The following PRKAR2B variants were observed in gnomAD, a reference collection of about 807,000 sequenced individuals.
PRKAR2B encodes protein kinase cAMP-dependent type II regulatory subunit beta.
A neutral mutation model predicts 49.9 loss-of-function variants in PRKAR2B; 14 were observed. The observed-to-expected ratio is 0.28, with a 90% CI of 0.19 to 0.44. The LOEUF (loss-of-function observed/expected upper bound fraction) is 0.44. PRKAR2B is among the 20% of genes least tolerant of loss of function. The pLI, the probability that PRKAR2B is intolerant of heterozygous loss-of-function variation, is 1.00. For synonymous variants in PRKAR2B, 196 were observed against 197.7 expected, an observed-to-expected ratio of 0.99 and a Z score of 0.07; for missense variants, 393 against 537.9, an observed-to-expected ratio of 0.73 and a Z score of 2.67.
intron 10 of PRKAR2B, among the ~76,000 whole-genome samples, chr7:107,157,648 G>T (rs1796118584): frequency 3.3e-5 from 5 of 152,206 alleles, no homozygotes; most frequent in Admixed American, 3.3e-4. Context: ...CAAAAGAGAA[G>T]GCTAAAGTAC....
chr7:107,046,984 A>G (rs1303148151), intron 1 of PRKAR2B, among the ~76,000 whole-genome samples: 2 of 152,198 alleles, frequency 1.3e-5, no homozygotes, highest in African/African-American at 4.8e-5. Flanking sequence ...TTCATTTTGT[A>G]GTGAAGAAAT....
rs28470356 is a variant in PRKAR2B, at chr7:107,064,645, T to C, written c.308-5636T>C. The stretch of plus-strand genomic sequence containing the variant: ...CTTGGAGGGTACCCGCCAACTATTA[T>C]TCTGTCCTTGTACCTTTGAGCCCCT... On this transcript the variant is annotated intron_variant, in intron 1 of 10. Coordinates refer to ENST00000265717, the MANE Select transcript of PRKAR2B (RefSeq NM_002736.3). Among the ~76,000 whole-genome samples the C allele has an allele frequency of 3.7e-3, 559 of 152,328 alleles. 3 individuals carry two copies. Among genetic ancestry groups the C allele is most frequent in the African/African-American group, 0.013 (527 of 41,560 alleles).
chr7:107,053,642 A>C (rs921871217), intron 1 of PRKAR2B, among the ~76,000 whole-genome samples: 1 of 151,940 alleles, frequency 6.6e-6, no homozygotes, highest in Admixed American at 6.6e-5. Context: ...GGAAAATTCT[A>C]TCTTATAAAA....
intron 4 of PRKAR2B, among the ~76,000 whole-genome samples, chr7:107,130,302 A>G (rs1795581147): frequency 6.6e-6 from 1 of 152,044 alleles, no homozygotes; most frequent in Non-Finnish European, 1.5e-5. Flanking sequence ...GATCGAGCCC[A>G]TCCTGGCTAA....
intron 2 of PRKAR2B, among the ~76,000 whole-genome samples, chr7:107,098,671 A>C (rs1344036081): frequency 1.3e-5 from 2 of 152,108 alleles, no homozygotes; most frequent in Non-Finnish European, 1.5e-5. Context: ...GTCTTTGATG[A>C]TGGTGACGTA....
chr7:107,057,601 G>A (rs1003856201), intron 1 of PRKAR2B, among the ~76,000 whole-genome samples: 1 of 152,130 alleles, frequency 6.6e-6, no homozygotes, highest in African/African-American at 2.4e-5. Context: ...GCCTGACTCT[G>A]CCATTTATAA....
At chr7:107,067,468 T>G (rs910319457) in intron 1 of PRKAR2B, 34 of 152,212 alleles carry the variant, frequency 2.2e-4, no homozygotes, top group African/African-American at 8.2e-4. Flanking sequence ...TATGCCCCAT[T>G]TACTGTCAGA....
At position 107,146,314 on chromosome 7, in the gene PRKAR2B, A is replaced by C. The variant is rs776592088; in HGVS notation, c.594A>C (p.Thr198=). 11 of 1,613,894 alleles carry C rather than the reference A, an allele frequency of 6.8e-6. No homozygotes were observed. The highest frequency in any genetic ancestry group is 9.3e-6 in the Non-Finnish European group (11 of 1,179,878). ...GDNFYVIDRG[T]FDIYVKCDGV... Reference sequence around the variant, plus strand: ...ATCTACATATGTCCAACAGAGGCACATTTGATATTTATGTGAAATGTGATG... The same window carrying C: ...ATCTACATATGTCCAACAGAGGCACCTTTGATATTTATGTGAAATGTGATG... Residue 198 remains threonine (T), a synonymous_variant, in exon 6 of 11, where the codon ACA becomes ACC. Transcript: ENST00000265717.
chr7:107,114,739 A>G (rs947836757), intron 2 of PRKAR2B, among the ~76,000 whole-genome samples: 1 of 151,976 alleles, frequency 6.6e-6, no homozygotes, highest in Non-Finnish European at 1.5e-5. Flanking sequence ...GAAGGTCTCA[A>G]TTGCTGCTTA....
intron 6 of PRKAR2B, among the ~76,000 whole-genome samples, chr7:107,149,781 A>G (rs1795950178): frequency 2.0e-5 from 3 of 152,222 alleles, no homozygotes; most frequent in Non-Finnish European, 4.4e-5. Context: ...GAAAGAATGA[A>G]TAAGACCTAG....
chr7:107,159,384 A>C (rs1458260845), intron 10 of PRKAR2B, 65 bp from the exon 11 acceptor site: 1 of 1,544,926 alleles, frequency 6.5e-7, no homozygotes, highest in Non-Finnish European at 8.9e-7. Flanking sequence ...GGTATTGTAA[A>C]TGACTTAGAA....
intron 2 of PRKAR2B, among the ~76,000 whole-genome samples, chr7:107,102,280 C>A (rs191395244): frequency 3.3e-5 from 5 of 152,332 alleles, no homozygotes; most frequent in African/African-American, 1.2e-4. Context: ...AGCACCAAGA[C>A]AGTTTACAAA....
At chr7:107,139,680 ACT>A (rs1400466369) in intron 4 of PRKAR2B, among the ~76,000 whole-genome samples, 1 of 151,336 alleles carries the variant, frequency 6.6e-6, no homozygotes, top group Non-Finnish European at 1.5e-5. Context: ...TCGCCCTGAA[ACT>A]CTCTCATCCA....
At chr7:107,066,298 T>TGGGGGG (rs199947326) in intron 1 of PRKAR2B, among the ~76,000 whole-genome samples, 12 of 111,392 alleles carry the variant, frequency 1.1e-4, no homozygotes, top group African/African-American at 3.5e-4. Context: ...TCTCTCTATG[T>TGGGGGG]GGGGTGTGTG....
At chr7:107,136,899 G>A (rs1050848099) in intron 4 of PRKAR2B, among the ~76,000 whole-genome samples, 2 of 152,150 alleles carry the variant, frequency 1.3e-5, no homozygotes, top group African/African-American at 4.8e-5. Context: ...CCAAAACTTG[G>A]AAGCAACCAA....
chr7:107,057,524 A>G (rs1793939433), intron 1 of PRKAR2B, among the ~76,000 whole-genome samples: 1 of 152,200 alleles, frequency 6.6e-6, no homozygotes, highest in Non-Finnish European at 1.5e-5. Context: ...AATTATGTGA[A>G]ACATCTGAAA....
intron 4 of PRKAR2B, among the ~76,000 whole-genome samples, chr7:107,132,876 A>G (rs1795628168): frequency 6.6e-6 from 1 of 152,204 alleles, no homozygotes; most frequent in East Asian, 1.9e-4. Context: ...TATGTTGAGC[A>G]CAGCATTTAT....
chr7:107,078,207 AAAAAAAAAAAG>A (rs1181321485), intron 2 of PRKAR2B: 1 of 152,116 alleles, frequency 6.6e-6, no homozygotes, highest in Non-Finnish European at 1.5e-5. Context: ...CCATCAAAAA[AAAAAAAAAAAG>A]AAAAAAGAAA....
At chr7:107,128,358 TG>T in intron 4 of PRKAR2B, 63 bp downstream of exon 4, 1 of 1,254,030 alleles carries the variant, frequency 8.0e-7, no homozygotes, top group African/African-American at 1.5e-5. Flanking sequence ...TGTCAAGAAC[TG>T]TACAGGGTCT....
Sources: gnomAD v4.1 joint callset for allele counts (sites outside exome capture counted in the v4.1 genomes callset) on GRCh38, gnomAD v4.1.1 for gene constraint, MANE v1.5 for transcripts, NCBI Gene and HGNC (gene_info 2026-07-23, HGNC 2026-07-21) for gene names.